The following UBR3 variants were observed in gnomAD, a reference collection of about 807,000 sequenced individuals.
The protein encoded by UBR3 is E3 ubiquitin-protein ligase UBR3.
In UBR3, 85 loss-of-function variants were observed where a neutral mutation model predicts 243.2. That is an observed-to-expected ratio of 0.35 (90% CI 0.29 to 0.42). UBR3 has a LOEUF of 0.42. Among genes scored for constraint, UBR3 ranks in the 10% least tolerant of loss-of-function variants. The pLI, the probability that UBR3 is intolerant of heterozygous loss-of-function variation, is 1.00. For synonymous variants in UBR3, 748 were observed against 799.8 expected (o/e 0.94, Z 1.09); for missense variants, 1,686 against 2,300.8 (o/e 0.73, Z 5.47).
chr2:169,853,379 G>A (rs150660583), intron 1 of UBR3, among the ~76,000 whole-genome samples: 335 of 152,180 alleles, frequency 2.2e-3, no homozygotes, highest in African/African-American at 7.6e-3. Flanking sequence ...TTCTTATAAT[G>A]CAAATACTTT....
intron 28 of UBR3, 94 bp downstream of exon 28, chr2:170,007,284 T>C: frequency 7.5e-7 from 1 of 1,333,114 alleles, no homozygotes; most frequent in Non-Finnish European, 1.0e-6. Flanking sequence ...TCTGGACTTT[T>C]ACATATTTAG....
chr2:169,905,313 G>T lies in UBR3; in HGVS notation c.1645+20G>T. The T allele has an allele frequency of 6.9e-7, 1 of 1,439,990 alleles. No homozygotes were observed. Among genetic ancestry groups the T allele is most frequent in the South Asian group, 1.6e-5 (1 of 62,368 alleles). The allele number at this position is 1,439,990 out of a possible 1,614,324, so 89.2% of individuals were successfully genotyped here. On this transcript the variant is annotated intron_variant, in intron 9 of 38. Coordinates refer to ENST00000272793, the MANE Select transcript of UBR3 (RefSeq NM_172070.4). ...TTCAAGGTATGAATTTTATCCCTTT[G>T]TTAATTTTTTGGTTTACAAAATTCC...
chr2:170,007,280 C>A, intron 28 of UBR3, 90 bp downstream of exon 28: 1 of 1,347,168 alleles, frequency 7.4e-7, no homozygotes, highest in African/African-American at 1.5e-5. Flanking sequence ...TTACTCTGGA[C>A]TTTTACATAT....
In UBR3 at chr2:169,845,510, G is replaced by A. The variant is rs200941895; in HGVS notation, c.545+17458G>A. Among the ~76,000 whole-genome samples, 304 of 135,732 alleles carry A rather than the reference G, an allele frequency of 2.2e-3. 4 individuals carry two copies. In the East Asian group the frequency reaches 0.05, roughly 22 times the overall value. 89.0% of individuals were successfully genotyped at this position (135,732 alleles called of 152,430 possible). ...TTCCCTCTTCGTCGTCATCGTCGTCGTCGTCGTCGTCGTCGTCGTCGTCTT... is the reference window on the plus strand; with the variant it reads ...TTCCCTCTTCGTCGTCATCGTCGTCATCGTCGTCGTCGTCGTCGTCGTCTT... On this transcript the variant is annotated intron_variant, in intron 1 of 38. Transcript: ENST00000272793.
intron 26 of UBR3, among the ~76,000 whole-genome samples, chr2:169,996,856 T>C (rs2089504295): frequency 6.6e-6 from 1 of 151,800 alleles, no homozygotes. Context: ...CCCACCACCA[T>C]GTCCGGCTAA....
intron 24 of UBR3, among the ~76,000 whole-genome samples, chr2:169,965,533 T>A (rs1228267969): frequency 6.6e-6 from 1 of 152,090 alleles, no homozygotes; most frequent in East Asian, 1.9e-4. Context: ...AATAATAAAA[T>A]AGAACAATTA....
intron 35 of UBR3, among the ~76,000 whole-genome samples, chr2:170,063,362 C>T (rs1161949210): frequency 2.0e-5 from 3 of 152,028 alleles, no homozygotes; most frequent in Non-Finnish European, 4.4e-5. Context: ...GATAGTTGGA[C>T]CCTTTAGGCG....
At chr2:169,954,696 T>TC (rs1287346319) in intron 23 of UBR3, among the ~76,000 whole-genome samples, 1 of 149,696 alleles carries the variant, frequency 6.7e-6, no homozygotes, top group Non-Finnish European at 1.5e-5. Flanking sequence ...TGCCTCAGCC[T>TC]CCCGAGTAGC....
At chr2:170,003,400 A>G (rs2089784244) in intron 27 of UBR3, among the ~76,000 whole-genome samples, 1 of 152,160 alleles carries the variant, frequency 6.6e-6, no homozygotes, top group African/African-American at 2.4e-5. Flanking sequence ...CATCAGTTCA[A>G]CATTAATAAG....
In UBR3 at chr2:169,877,590, A is replaced by G. The variant is rs1443260110; in HGVS notation, c.941A>G (p.Tyr314Cys). ...GLTYPEDKLV[Y>C]GVQEPSAGTS... ...ACATATCCTGAGGATAAGCTTGTAT[A>G]TGGTGTGCAGGAGCCATCTGCTGGT... The change falls in exon 4 of 39, where the codon TAT becomes TGT. Residue 314 changes from tyrosine (Y) to cysteine (C), a missense_variant. Coordinates refer to ENST00000272793, the MANE Select transcript of UBR3 (RefSeq NM_172070.4). 2.6e-6 allele frequency: 4 copies of G among 1,549,730 alleles called. No individual in the cohort carries two copies. The South Asian group carries it at 3.6e-5, about 14-fold the overall frequency.
chr2:169,847,795 T>G (rs1013157703), intron 1 of UBR3, among the ~76,000 whole-genome samples: 1 of 152,222 alleles, frequency 6.6e-6, no homozygotes, highest in Non-Finnish European at 1.5e-5. Context: ...ATTCTCAACC[T>G]TACATGTGAG....
Position 169,936,109 on chromosome 2 carries a change from G to A in UBR3, c.2663+3101G>A, listed in dbSNP as rs534156988. On this transcript the variant is annotated intron_variant, in intron 19 of 38. Transcript: ENST00000272793. ...AGTTTCACTTTTGTTGCCCAGGCTG[G>A]AGTACAATGGCATGATCTCGGCTCA... Among the ~76,000 whole-genome samples the A allele has an allele frequency of 9.9e-5, 15 of 152,034 alleles. No individual in the cohort carries two copies. The East Asian group carries it at 2.9e-3, about 29-fold the overall frequency.
chr2:169,993,593 T>C (rs1369472017), intron 25 of UBR3, among the ~76,000 whole-genome samples: 1 of 152,202 alleles, frequency 6.6e-6, no homozygotes, highest in Non-Finnish European at 1.5e-5. Context: ...AAGGGTATTA[T>C]ACAGGTGATG....
At chr2:170,001,239 CTAATATTTA>C in intron 26 of UBR3, 56 bp from the exon 27 acceptor site, 1 of 1,147,202 alleles carries the variant, frequency 8.7e-7, no homozygotes, top group Non-Finnish European at 1.3e-6. Flanking sequence ...TGTGGACATA[CTAATATTTA>C]AATATGTTTG....
At chr2:169,949,489 A>G in intron 22 of UBR3, 116 bp from the exon 23 acceptor site, 18 of 964,960 alleles carry the variant, frequency 1.9e-5, no homozygotes, top group Non-Finnish European at 2.7e-5. Context: ...AATCTATTGA[A>G]TAAATCTTTG....
intron 29 of UBR3, chr2:170,013,821 C>T (rs1051524713): frequency 2.3e-6 from 1 of 442,696 alleles, no homozygotes; most frequent in Non-Finnish European, 4.7e-6. Context: ...GAGAATATAG[C>T]CATTAATTTT....
Position 169,886,000 on chromosome 2 carries a change from T to C in UBR3, c.1039-5165T>C, listed in dbSNP as rs543220284. 3.3e-5 allele frequency among the ~76,000 whole-genome samples: 5 copies of C among 151,848 alleles called. No individual in the cohort carries two copies. The East Asian group carries it at 7.7e-4, about 24-fold the overall frequency. ...GGTGAAACCCCGTCTCTACTAAAAA[T>C]ACAAAAATTAGCCCAGCATGATGGC... On this transcript the variant is annotated intron_variant, in intron 5 of 38. Transcript: ENST00000272793.
At chr2:170,058,010 T>A (rs907749841) in intron 33 of UBR3, among the ~76,000 whole-genome samples, 6 of 152,198 alleles carry the variant, frequency 3.9e-5, no homozygotes, top group African/African-American at 1.4e-4. Flanking sequence ...TGAGGATCTA[T>A]GGATTTTGGT....
At chr2:169,943,214 CATTA>C (rs2086657868) in intron 20 of UBR3, among the ~76,000 whole-genome samples, 1 of 152,146 alleles carries the variant, frequency 6.6e-6, no homozygotes, top group Non-Finnish European at 1.5e-5. Context: ...ATTTGACTAA[CATTA>C]ATTGTGTACT....
Sources: gnomAD v4.1 joint callset for allele counts (sites outside exome capture counted in the v4.1 genomes callset) on GRCh38, gnomAD v4.1.1 for gene constraint, MANE v1.5 for transcripts, NCBI Gene and HGNC (gene_info 2026-07-23, HGNC 2026-07-21) for gene names.